HDLBP: variants seen among roughly 807,000 people sequenced by gnomAD.
HDLBP encodes vigilin.
Under a neutral mutation model 137.3 loss-of-function variants are expected in HDLBP, and 30 were observed. That is an observed-to-expected ratio of 0.22 (90% confidence interval 0.16 to 0.30). The LOEUF (loss-of-function observed/expected upper bound fraction) is 0.30, where lower values mean the gene tolerates loss of function less well. Ranked by LOEUF, HDLBP falls within the 10% of genes least tolerant of loss-of-function variation. HDLBP has a pLI of 1.00. For missense variants in HDLBP, 1,119 were observed against 1,667.3 expected (o/e 0.67, Z 5.73); for synonymous variants, 606 against 596.0 (o/e 1.02, Z -0.24).
rs1366298722 is a variant in HDLBP, at chr2:241,238,967, C to T, written c.2611-180G>A. Among the ~76,000 whole-genome samples, 1 of 152,184 alleles carries T rather than the reference C, an allele frequency of 6.6e-6. No homozygotes were observed. The highest frequency in any genetic ancestry group is 1.5e-5 in the Non-Finnish European group (1 of 68,024). ...GGAGGAGGGAGGTAGCAGGACAGGT[C>T]TAAGGGGGTGGGCCTCCTCTGAAAT... On this transcript the variant is annotated intron_variant, in intron 19 of 27. Transcript: ENST00000310931. This position sits in a 1 kb window ranked among gnomAD's most constrained non-coding sequence, Gnocchi z 4.9.
chr2:241,235,032 G>C (rs1012069867), intron 23 of HDLBP, 89 bp downstream of exon 23: 2 of 1,498,290 alleles, frequency 1.3e-6, no homozygotes, highest in Middle Eastern at 2.4e-4. Flanking sequence ...CTGGGATGCT[G>C]GGATCCTGAA....
intron 1 of HDLBP, among the ~76,000 whole-genome samples, chr2:241,313,257 G>C (rs1429214332): frequency 9.2e-5 from 14 of 152,112 alleles, no homozygotes; most frequent in Admixed American, 9.2e-4. Flanking sequence ...AGCTGCCTGA[G>C]GAAAAGAAAA....
chr2:241,231,219 T>C (rs1035188217), intron 24 of HDLBP: 4 of 335,350 alleles, frequency 1.2e-5, no homozygotes, highest in African/African-American at 6.3e-5. Context: ...ACCCCGCCTC[T>C]ACTAAAAATA....
intron 1 of HDLBP, among the ~76,000 whole-genome samples, chr2:241,309,087 T>G (rs1042216678): frequency 6.6e-6 from 1 of 152,200 alleles, no homozygotes; most frequent in African/African-American, 2.4e-5. Context: ...CATGGCTTGT[T>G]TGCTCATCTC....
Position 241,233,978 on chromosome 2 carries a change from A to G in HDLBP, c.3145-15T>C, listed in dbSNP as rs1370674174. 5 of 1,614,042 alleles carry G rather than the reference A, an allele frequency of 3.1e-6. No homozygotes were observed. In the Admixed American group the frequency reaches 8.3e-5, roughly 27 times the overall value. ...CTCCTTAAAGCCTACAAATGAAAGG[A>G]GCAAGAATGAGGCAAAGATTGAGCT... On this transcript the variant is annotated splice_polypyrimidine_tract_variant and intron_variant, in intron 23 of 27. Coordinates refer to ENST00000310931, the MANE Select transcript of HDLBP (RefSeq NM_005336.6). This position sits in a 1 kb window ranked among gnomAD's most constrained non-coding sequence, Gnocchi z 4.3.
rs2070877013 is a variant in HDLBP at position 241,238,828 on chromosome 2, T to C, written c.2611-41A>G. 6.8e-7 allele frequency: 1 copy of C among 1,475,456 alleles called. No individual in the cohort carries two copies. Among genetic ancestry groups the C allele is most frequent in the Non-Finnish European group, 9.1e-7 (1 of 1,101,406 alleles). The allele number at this position is 1,475,456 out of a possible 1,614,324, so 91.4% of individuals were successfully genotyped here. ...CAAAGAAAAAAGAAAAGAGCAAAGATTAAATTCCTTAGGGCAAGTTTTACA... is the reference window on the plus strand; with the variant it reads ...CAAAGAAAAAAGAAAAGAGCAAAGACTAAATTCCTTAGGGCAAGTTTTACA... On this transcript the variant is annotated intron_variant, in intron 19 of 27. Transcript: ENST00000310931. The surrounding 1 kb of genome is among the most constrained non-coding windows in gnomAD (Gnocchi z 4.9).
chr2:241,296,100 CAAAAAA>C (rs34959720), intron 1 of HDLBP, among the ~76,000 whole-genome samples: 1 of 85,684 alleles, frequency 1.2e-5, no homozygotes, highest in African/African-American at 5.0e-5. Flanking sequence ...GAAAATTTTG[CAAAAAA>C]AAAAAAAAAA....
At chr2:241,288,396 C>CATAACCAAGA (rs67023310) in intron 1 of HDLBP, among the ~76,000 whole-genome samples, 1 of 151,532 alleles carries the variant, frequency 6.6e-6, no homozygotes, top group African/African-American at 2.4e-5. Context: ...CAGTTGCCTG[C>CATAACCAAGA]ACAACTAAGA....
chr2:241,275,241 C>A (rs2074346141), intron 1 of HDLBP, among the ~76,000 whole-genome samples: 1 of 151,910 alleles, frequency 6.6e-6, no homozygotes, highest in African/African-American at 2.4e-5. Context: ...ACCCACAGAT[C>A]AGCACAAATG....
chr2:241,239,715 C>A lies in HDLBP; in HGVS notation c.2497G>T (p.Val833Leu), dbSNP rs1356866448. ...CCAGAGCGTGGGAAGCTGACCATCA[C>A]CCCGCCATACTCTTCAGCAATCTCC... The part of the protein sequence containing the change: ...LREIAEEYGG[V>L]MVSFPRSGTQ... The change falls in exon 19 of 28, where the codon GTG becomes TTG. Residue 833 changes from valine to leucine, a missense_variant. Val to Leu is a conservative substitution (Grantham distance 32). This residue lies in a region of HDLBP where 618 missense variants were observed against 816.7 expected (regional missense o/e 0.76). Coordinates refer to ENST00000310931, the MANE Select transcript of HDLBP (RefSeq NM_005336.6). This position sits in a 1 kb window ranked among gnomAD's most constrained non-coding sequence, Gnocchi z 4.6. The A allele has an allele frequency of 7.4e-6, 12 of 1,614,208 alleles. No individual in the cohort carries two copies. Among genetic ancestry groups the A allele is most frequent in the Non-Finnish European group, 7.6e-6 (9 of 1,180,044 alleles).
intron 1 of HDLBP, among the ~76,000 whole-genome samples, chr2:241,314,690 T>A (rs912455289): frequency 1.3e-5 from 2 of 152,192 alleles, no homozygotes; most frequent in Admixed American, 1.3e-4. Context: ...TCTCATTTTT[T>A]AAGTCGAATG....
chr2:241,257,008 G>C (rs1051961236), intron 5 of HDLBP, among the ~76,000 whole-genome samples: 1 of 152,136 alleles, frequency 6.6e-6, no homozygotes, highest in African/African-American at 2.4e-5. Context: ...AAGTTCGAGT[G>C]TATCTGCACC....
intron 4 of HDLBP, among the ~76,000 whole-genome samples, chr2:241,263,348 C>T (rs2073358542): frequency 6.6e-6 from 1 of 152,226 alleles, no homozygotes; most frequent in South Asian, 2.1e-4. Flanking sequence ...CTGGTGCACA[C>T]ACCAGAGGGG....
At chr2:241,248,404 C>CTTGTGTCAGTGGGG in intron 12 of HDLBP, 56 bp from the exon 13 acceptor site, 2 of 1,383,910 alleles carry the variant, frequency 1.4e-6, no homozygotes, top group Non-Finnish European at 2.1e-6. Flanking sequence ...AGCAACTCCC[C>CTTGTGTCAGTGGGG]ACTGACACAA....
intron 16 of HDLBP, among the ~76,000 whole-genome samples, chr2:241,245,858 C>T (rs2071626191): frequency 6.6e-6 from 1 of 152,120 alleles, no homozygotes; most frequent in Non-Finnish European, 1.5e-5. Context: ...GCCAAGCATA[C>T]TACCAGGGAA....
At chr2:241,262,290 C>T (rs2073261934) in intron 5 of HDLBP, among the ~76,000 whole-genome samples, 1 of 152,150 alleles carries the variant, frequency 6.6e-6, no homozygotes, top group South Asian at 2.1e-4. Context: ...GGACAAGCTT[C>T]TAATTTTCAG....
At position 241,242,696 on chromosome 2, in the gene HDLBP, G is replaced by A. The variant is rs2071362470; in HGVS notation, c.1951-18C>T. The A allele has an allele frequency of 1.3e-6, 2 of 1,599,014 alleles. No homozygotes were observed. Among genetic ancestry groups the A allele is most frequent in the Non-Finnish European group, 1.7e-6 (2 of 1,168,548 alleles). ...ATGTTGGCCTGAAACCAAACACAGG[G>A]CAGGAGGAGGAAGTCACATTTTTGT... On this transcript the variant is annotated intron_variant, in intron 16 of 27. Coordinates refer to ENST00000310931, the MANE Select transcript of HDLBP (RefSeq NM_005336.6).
intron 5 of HDLBP, among the ~76,000 whole-genome samples, chr2:241,262,318 G>A (rs1024794997): frequency 6.6e-6 from 1 of 152,158 alleles, no homozygotes; most frequent in African/African-American, 2.4e-5. Context: ...AGATGTGGTG[G>A]TGTGCCTGTA....
chr2:241,276,808 C>T (rs537828880), intron 1 of HDLBP, among the ~76,000 whole-genome samples: 39 of 152,136 alleles, frequency 2.6e-4, no homozygotes, highest in Non-Finnish European at 4.4e-4. Flanking sequence ...CTGAAGGTTA[C>T]TAGGAGAAAT....
Sources: allele counts gnomAD v4.1 joint callset (sites outside exome capture counted in the v4.1 genomes callset), GRCh38; gene constraint gnomAD v4.1.1; regional missense constraint gnomAD v4.1.1; non-coding constraint Gnocchi (gnomAD v3.1); transcripts MANE v1.5; gene names NCBI Gene and HGNC (gene_info 2026-07-23, HGNC 2026-07-21).